Variants in CTNND2 observed in about 807,000 individuals in gnomAD.
CTNND2 encodes catenin delta 2.
A neutral mutation model predicts 144.4 loss-of-function variants in CTNND2; 22 were observed. The ratio of observed to expected loss-of-function variants is 0.15; its 90% CI spans 0.11 to 0.22. The LOEUF (loss-of-function observed/expected upper bound fraction) is 0.22. Among genes scored for constraint, CTNND2 ranks in the 10% least tolerant of loss-of-function variants. The pLI, the probability that CTNND2 is intolerant of heterozygous loss-of-function variation, is 1.00. For synonymous variants in CTNND2, 751 were observed against 695.6 expected (o/e 1.08, Z -1.25); for missense variants, 1,353 against 1,618.8 (o/e 0.84, Z 2.82).
chr5:11,626,244 A>C (rs1446221767), intron 2 of CTNND2, among the ~76,000 whole-genome samples: 2 of 152,066 alleles, frequency 1.3e-5, no homozygotes, highest in African/African-American at 4.8e-5. Context: ...CCTTCCCCTT[A>C]ATGCTCAGGA....
chr5:11,427,319 C>T (rs1432459525), intron 3 of CTNND2, among the ~76,000 whole-genome samples: 1 of 149,036 alleles, frequency 6.7e-6, no homozygotes, highest in Non-Finnish European at 1.5e-5. Flanking sequence ...ACTCTGTCAC[C>T]CACGCTGAAG....
chr5:11,611,146 G>A (rs944784569), intron 2 of CTNND2, among the ~76,000 whole-genome samples: 1 of 152,080 alleles, frequency 6.6e-6, no homozygotes, highest in African/African-American at 2.4e-5. Flanking sequence ...TTTATAAGGG[G>A]CTCTTCCCCC....
chr5:11,583,317 T>A (rs1778583089), intron 2 of CTNND2, among the ~76,000 whole-genome samples: 1 of 152,118 alleles, frequency 6.6e-6, no homozygotes, highest in African/African-American at 2.4e-5. Context: ...TGGAGGTAAA[T>A]CGTAAAACAA....
At chr5:11,410,008 T>C (rs998610128) in intron 5 of CTNND2, among the ~76,000 whole-genome samples, 8 of 152,116 alleles carry the variant, frequency 5.3e-5, no homozygotes, top group African/African-American at 1.9e-4. Context: ...ATCAAATATA[T>C]TATTATATTA....
intron 9 of CTNND2, among the ~76,000 whole-genome samples, chr5:11,290,044 A>T (rs368083026): frequency 3.3e-5 from 5 of 152,210 alleles, no homozygotes; most frequent in African/African-American, 1.2e-4. Flanking sequence ...GTATAGAGCA[A>T]CACATTTTCC....
intron 12 of CTNND2, 52 bp downstream of exon 12, chr5:11,159,524 T>G: frequency 1.4e-6 from 2 of 1,436,272 alleles, no homozygotes; most frequent in Non-Finnish European, 1.9e-6. Flanking sequence ...AAAGAGACAG[T>G]GTCTGGCCAG....
chr5:11,155,848 A>C (rs1758172306), intron 12 of CTNND2, among the ~76,000 whole-genome samples: 1 of 152,230 alleles, frequency 6.6e-6, no homozygotes, highest in Non-Finnish European at 1.5e-5. Flanking sequence ...GACTAAGGGC[A>C]TTAACTTTTC....
chr5:11,340,084 T>C (rs1468385765), intron 9 of CTNND2, among the ~76,000 whole-genome samples: 1 of 152,114 alleles, frequency 6.6e-6, no homozygotes, highest in Non-Finnish European at 1.5e-5. Flanking sequence ...GGCCTGAGTG[T>C]TCCCACTGGC....
chr5:11,546,455 T>G (rs911286106), intron 3 of CTNND2, among the ~76,000 whole-genome samples: 2 of 152,100 alleles, frequency 1.3e-5, no homozygotes, highest in Admixed American at 6.6e-5. Flanking sequence ...AATACAGTAA[T>G]TTTCACAGAT....
chr5:11,876,315 G>A (rs1735566167), intron 1 of CTNND2, among the ~76,000 whole-genome samples: 1 of 151,070 alleles, frequency 6.6e-6, no homozygotes, highest in African/African-American at 2.4e-5. Flanking sequence ...CGAGAGGGGA[G>A]GAGAAGAGAA....
chr5:11,052,270 T>C (rs1049895430), intron 16 of CTNND2, among the ~76,000 whole-genome samples: 3 of 152,220 alleles, frequency 2.0e-5, no homozygotes. Context: ...GTATATACTT[T>C]CAGTTCATGG....
chr5:11,886,784 T>C (rs922107873), intron 1 of CTNND2, among the ~76,000 whole-genome samples: 3 of 152,134 alleles, frequency 2.0e-5, no homozygotes, highest in African/African-American at 7.2e-5. Context: ...TACACATTTT[T>C]GGCCTTGTAA....
At chr5:11,220,737 C>G (rs1739705422) in intron 10 of CTNND2, among the ~76,000 whole-genome samples, 1 of 152,160 alleles carries the variant, frequency 6.6e-6, no homozygotes, top group Non-Finnish European at 1.5e-5. Context: ...ATTGGATATG[C>G]CAGTATTATT....
At chr5:11,637,417 T>G (rs1156780374) in intron 2 of CTNND2, among the ~76,000 whole-genome samples, 1 of 152,208 alleles carries the variant, frequency 6.6e-6, no homozygotes, top group East Asian at 1.9e-4. Context: ...AAAAATAATT[T>G]CATCTTGTGA....
intron 1 of CTNND2, among the ~76,000 whole-genome samples, chr5:11,851,450 G>T (rs995886371): frequency 7.2e-5 from 11 of 152,284 alleles, no homozygotes; most frequent in African/African-American, 2.6e-4. Flanking sequence ...CTCAGCCCTA[G>T]TTATTTCCTA....
chr5:11,339,702 T>C (rs573467654), intron 9 of CTNND2, among the ~76,000 whole-genome samples: 5 of 152,132 alleles, frequency 3.3e-5, no homozygotes, highest in Non-Finnish European at 7.4e-5. Flanking sequence ...CTCTCATTGA[T>C]GGGATTAGTG....
chr5:11,038,283 C>G (rs546754843), intron 16 of CTNND2, among the ~76,000 whole-genome samples: 1 of 152,002 alleles, frequency 6.6e-6, no homozygotes, highest in Admixed American at 6.6e-5. Context: ...AGCAGGTGAG[C>G]GAGAATTACA....
chr5:11,224,625 G>A (rs1740135635), intron 10 of CTNND2, among the ~76,000 whole-genome samples: 1 of 152,170 alleles, frequency 6.6e-6, no homozygotes, highest in South Asian at 2.1e-4. Flanking sequence ...TTTCCTGCAG[G>A]CTGTGTGCAT....
At chr5:11,849,674 T>A (rs569376957) in intron 1 of CTNND2, among the ~76,000 whole-genome samples, 1 of 152,310 alleles carries the variant, frequency 6.6e-6, no homozygotes, top group African/African-American at 2.4e-5. Context: ...GTTAAACACC[T>A]CTCTATGTAT....
Sources: allele counts gnomAD v4.1 joint callset (sites outside exome capture counted in the v4.1 genomes callset), GRCh38; gene constraint gnomAD v4.1.1; transcripts MANE v1.5; gene names NCBI Gene and HGNC (gene_info 2026-07-23, HGNC 2026-07-21).